The following COL13A1 variants were observed in gnomAD, a reference collection of about 807,000 sequenced individuals.
COL13A1 encodes collagen alpha-1(XIII) chain.
A neutral mutation model predicts 130.9 loss-of-function variants in COL13A1; 89 were observed. The ratio of observed to expected loss-of-function variants is 0.68; its 90% CI spans 0.57 to 0.81. COL13A1 has a LOEUF of 0.81. Among genes scored for constraint, COL13A1 ranks in the 30% least tolerant of loss-of-function variants. The pLI is 0.00. For missense variants in COL13A1, 879 were observed against 934.6 expected (o/e 0.94, Z 0.78); for synonymous variants, 402 against 341.6 (o/e 1.18, Z -1.95).
At chr10:69,879,839 C>T (rs985666285) in intron 6 of COL13A1, among the ~76,000 whole-genome samples, 1 of 152,208 alleles carries the variant, frequency 6.6e-6, no homozygotes, top group African/African-American at 2.4e-5. Flanking sequence ...GACATTCTGC[C>T]CTGGCCTTCA....
At chr10:69,940,785 A>G (rs548955814) in intron 34 of COL13A1, among the ~76,000 whole-genome samples, 2 of 152,286 alleles carry the variant, frequency 1.3e-5, no homozygotes, top group East Asian at 1.9e-4. Context: ...CACTGCATTC[A>G]GTGTCTCCAT....
intron 1 of COL13A1, 53 bp downstream of exon 1, chr10:69,802,770 C>G: frequency 6.2e-7 from 1 of 1,602,234 alleles, no homozygotes; most frequent in South Asian, 1.1e-5. Flanking sequence ...CCCCCTCGCG[C>G]AGCCTCCAGA....
At chr10:69,854,618 G>T (rs1855885484) in intron 2 of COL13A1, among the ~76,000 whole-genome samples, 1 of 151,732 alleles carries the variant, frequency 6.6e-6, no homozygotes, top group South Asian at 2.1e-4. Flanking sequence ...CTGGTTAGAG[G>T]TTCTACATCC....
chr10:69,945,234 G>T (rs1333634370), intron 36 of COL13A1, among the ~76,000 whole-genome samples: 1 of 152,270 alleles, frequency 6.6e-6, no homozygotes, highest in Non-Finnish European at 1.5e-5. Flanking sequence ...GAGGGCAGGA[G>T]CTTCTGCAGA....
intron 14 of COL13A1, among the ~76,000 whole-genome samples, chr10:69,900,075 G>A (rs945230067): frequency 2.0e-5 from 3 of 152,134 alleles, no homozygotes; most frequent in Non-Finnish European, 4.4e-5. Flanking sequence ...CCGTGTGCCC[G>A]AGCACTCACC....
intron 1 of COL13A1, among the ~76,000 whole-genome samples, chr10:69,820,880 A>T (rs564887657): frequency 1.3e-5 from 2 of 152,064 alleles, no homozygotes; most frequent in East Asian, 3.9e-4. Context: ...TGGCTGTGTG[A>T]CCCTCAGCAA....
intron 14 of COL13A1, among the ~76,000 whole-genome samples, chr10:69,900,501 G>A (rs148676032): frequency 1.6e-3 from 246 of 152,272 alleles, no homozygotes; most frequent in Middle Eastern, 3.4e-3. Flanking sequence ...GAAAGAAGAC[G>A]AGGCACCTCT....
At chr10:69,947,470 G>C in intron 38 of COL13A1, 128 bp downstream of exon 38, 1 of 881,534 alleles carries the variant, frequency 1.1e-6, no homozygotes, top group Non-Finnish European at 1.7e-6. Context: ...AAATTGAAAG[G>C]CTTTACAAGG....
rs191612971 is a variant in COL13A1, at chr10:69,835,043, T to C, written c.364+12605T>C. 3.5e-3 allele frequency among the ~76,000 whole-genome samples: 529 copies of C among 152,280 alleles called. 13 individuals are homozygous for C. Among genetic ancestry groups the C allele is most frequent in the Admixed American group, 0.031 (471 of 15,306 alleles). On this transcript the variant is annotated intron_variant, in intron 2 of 40. Coordinates refer to ENST00000645393, the MANE Select transcript of COL13A1 (RefSeq NM_001368882.1). ...GGCTAGAAGCACTGAGGTGGGAGACTTTCTGCCCCAGGACATGCCCAGAGC... is the reference window on the plus strand; with the variant it reads ...GGCTAGAAGCACTGAGGTGGGAGACCTTCTGCCCCAGGACATGCCCAGAGC...
chr10:69,891,211 G>C (rs2061136296), intron 10 of COL13A1, among the ~76,000 whole-genome samples: 1 of 152,170 alleles, frequency 6.6e-6, no homozygotes, highest in Non-Finnish European at 1.5e-5. Context: ...TGCAATGAGT[G>C]CTATAAAAAG....
At chr10:69,873,749 CG>C (rs2059317623) in intron 4 of COL13A1, among the ~76,000 whole-genome samples, 1 of 152,206 alleles carries the variant, frequency 6.6e-6, no homozygotes, top group Non-Finnish European at 1.5e-5. Context: ...TTCGGATCCA[CG>C]GGTCATGGTC....
At chr10:69,819,727 A>G (rs979836732) in intron 1 of COL13A1, among the ~76,000 whole-genome samples, 1 of 152,184 alleles carries the variant, frequency 6.6e-6, no homozygotes, top group Admixed American at 6.5e-5. Flanking sequence ...TGGATGGCCC[A>G]CCACAGCACC....
At position 69,802,725 on chromosome 10, in the gene COL13A1, C is replaced by T. The variant is rs1840361614; in HGVS notation, c.294+8C>T. On this transcript the variant is annotated splice_region_variant and intron_variant, in intron 1 of 40. Transcript: ENST00000645393. ...AATCAACTGCTGGACGAGGTCTGTG[C>T]TCTTTGTTGCTGGCTTTTATCCCTC... The T allele has an allele frequency of 1.9e-6, 3 of 1,609,702 alleles. No homozygotes were observed. Among genetic ancestry groups the T allele is most frequent in the Admixed American group, 3.3e-5 (2 of 59,894 alleles).
intron 37 of COL13A1, among the ~76,000 whole-genome samples, chr10:69,945,986 C>G (rs2068462306): frequency 6.6e-6 from 1 of 151,886 alleles, no homozygotes; most frequent in Admixed American, 6.6e-5. Flanking sequence ...AGGAGAATCT[C>G]TTGAACCCAG....
intron 13 of COL13A1, among the ~76,000 whole-genome samples, chr10:69,896,241 C>A (rs1462196145): frequency 6.6e-6 from 1 of 151,880 alleles, no homozygotes; most frequent in Non-Finnish European, 1.5e-5. Flanking sequence ...CTTTTCCTTG[C>A]TCCACCCCAA....
intron 10 of COL13A1, among the ~76,000 whole-genome samples, chr10:69,890,497 G>A (rs901612338): frequency 2.0e-5 from 3 of 152,264 alleles, no homozygotes; most frequent in African/African-American, 7.2e-5. Context: ...TGAAAGCAAC[G>A]CAGCAGGCTC....
chr10:69,835,210 C>T (rs1301357392), intron 2 of COL13A1, among the ~76,000 whole-genome samples: 1 of 152,176 alleles, frequency 6.6e-6, no homozygotes, highest in Non-Finnish European at 1.5e-5. Flanking sequence ...CTTGCCACCA[C>T]CTGCTCTGCC....
intron 2 of COL13A1, among the ~76,000 whole-genome samples, chr10:69,843,974 C>A (rs1589393727): frequency 1.3e-5 from 2 of 152,244 alleles, no homozygotes; most frequent in East Asian, 3.9e-4. Flanking sequence ...TGTGATATGT[C>A]ACAAAGTCAA....
chr10:69,930,433 C>T lies in COL13A1; in HGVS notation c.1564C>T (p.Pro522Ser). Residue 522 changes from proline (P) to serine (S), a missense_variant, in exon 30 of 41, where the codon CCT (proline) becomes TCT (serine). Transcript: ENST00000645393. ...CGGTAAACCAGGAGACATGGGCCCTCCTGGTCCCCAAGGCCCCCCAGGAAA... is the reference window on the plus strand; with the variant it reads ...CGGTAAACCAGGAGACATGGGCCCTTCTGGTCCCCAAGGCCCCCCAGGAAA... Reference protein sequence around the residue: ...PRGKPGDMGPPGPQGPPGKDG... With the variant: ...PRGKPGDMGPSGPQGPPGKDG... 6.2e-7 allele frequency: 1 copy of T among 1,613,426 alleles called. No homozygotes were observed. The highest frequency in any genetic ancestry group is 1.7e-4 in the Middle Eastern group (1 of 6,056).
Sources: allele counts gnomAD v4.1 joint callset (sites outside exome capture counted in the v4.1 genomes callset), GRCh38; gene constraint gnomAD v4.1.1; transcripts MANE v1.5; gene names NCBI Gene and HGNC (gene_info 2026-07-23, HGNC 2026-07-21).